The following SH2D4B variants were observed in gnomAD, a reference collection of about 807,000 sequenced individuals.
The protein encoded by SH2D4B is SH2 domain containing 4B.
SH2D4B carries 45 observed loss-of-function variants against 61.5 expected under a neutral mutation model. The observed-to-expected ratio is 0.73, with a 90% CI of 0.58 to 0.94. The LOEUF (loss-of-function observed/expected upper bound fraction) is 0.94. Ranked by LOEUF, SH2D4B falls within the 40% of genes least tolerant of loss-of-function variation. The probability of loss-of-function intolerance (pLI) is 0.00; values close to 1 mark genes in which losing one functional copy is unlikely to be tolerated. For missense variants in SH2D4B, 572 were observed against 574.2 expected (o/e 1.00, Z 0.04); for synonymous variants, 224 against 220.4 (o/e 1.02, Z -0.14).
At chr10:80,630,047 C>A (rs1420853830) in intron 6 of SH2D4B, among the ~76,000 whole-genome samples, 1 of 152,158 alleles carries the variant, frequency 6.6e-6, no homozygotes, top group African/African-American at 2.4e-5. Flanking sequence ...GGGGAGGGTG[C>A]TGGAGAAGGT....
Position 80,603,751 on chromosome 10 carries a change from C to A in SH2D4B, c.816C>A (p.His272Gln). ...SHEQEARLYH[H>Q]LPDPGLPQPL... The stretch of plus-strand genomic sequence containing the variant: ...AGCAGGAGGCAAGACTCTACCACCA[C>A]CTCCCCGACCCGGGTCTGCCGCAGC... The change falls in exon 5 of 8, where the codon CAC becomes CAA. Residue 272 changes from histidine to glutamine, a missense_variant. Coordinates refer to ENST00000646907, the MANE Select transcript of SH2D4B (RefSeq NM_001388272.1). 6.2e-7 allele frequency: 1 copy of A among 1,612,856 alleles called. No homozygotes were observed. Among genetic ancestry groups the A allele is most frequent in the South Asian group, 1.1e-5 (1 of 90,952 alleles).
intron 1 of SH2D4B, among the ~76,000 whole-genome samples, chr10:80,547,517 A>G (rs897443831): frequency 6.6e-6 from 1 of 151,768 alleles, no homozygotes; most frequent in African/African-American, 2.4e-5. Flanking sequence ...GTTGTTCACA[A>G]CCCCTTTCCT....
At chr10:80,636,398 G>A (rs1002870666) in intron 7 of SH2D4B, among the ~76,000 whole-genome samples, 1 of 152,174 alleles carries the variant, frequency 6.6e-6, no homozygotes, top group African/African-American at 2.4e-5. Flanking sequence ...GGTTGAACTA[G>A]TTTACAGTCC....
intron 7 of SH2D4B, among the ~76,000 whole-genome samples, 177 bp downstream of exon 7, chr10:80,634,682 G>T (rs749240527): frequency 1.3e-5 from 2 of 152,130 alleles, no homozygotes; most frequent in Non-Finnish European, 2.9e-5. Flanking sequence ...GGGGCCCGAG[G>T]GCCCACTGTT....
chr10:80,569,306 A>G (rs1018862366), intron 1 of SH2D4B, among the ~76,000 whole-genome samples: 1 of 152,160 alleles, frequency 6.6e-6, no homozygotes, highest in Non-Finnish European at 1.5e-5. Flanking sequence ...CCCGGGAGTG[A>G]CACAAGTTTC....
chr10:80,572,984 A>ATTTTTT (rs1283153702), intron 3 of SH2D4B, among the ~76,000 whole-genome samples: 7 of 8,290 alleles, frequency 8.4e-4, no homozygotes, highest in Non-Finnish European at 1.3e-3. Flanking sequence ...ATATATATAT[A>ATTTTTT]TATTTTTTTT....
rs1439154791 is a variant in SH2D4B, at chr10:80,568,083, A to G, written c.185-2071A>G. On this transcript the variant is annotated intron_variant, in intron 1 of 7. Transcript: ENST00000646907. Reference sequence around the variant, plus strand: ...AGCTTTTTCTAAAAATAAGTGTGAGAGATCACACTTTTTTTTTTTTTTGAG... The same window carrying G: ...AGCTTTTTCTAAAAATAAGTGTGAGGGATCACACTTTTTTTTTTTTTTGAG... Among the ~76,000 whole-genome samples, 3 of 151,710 alleles carry G rather than the reference A, an allele frequency of 2.0e-5. No individual in the cohort carries two copies. In the South Asian group the frequency reaches 6.3e-4, roughly 32 times the overall value.
At chr10:80,622,881 T>C (rs1398534287) in intron 6 of SH2D4B, among the ~76,000 whole-genome samples, 1 of 152,348 alleles carries the variant, frequency 6.6e-6, no homozygotes, top group Non-Finnish European at 1.5e-5. Flanking sequence ...TGAGCTGTTA[T>C]AGCAGAATAC....
At chr10:80,612,198 T>TTTTTTTTTTTTTTTTTTC (rs59848195) in intron 6 of SH2D4B, among the ~76,000 whole-genome samples, 3 of 125,230 alleles carry the variant, frequency 2.4e-5, no homozygotes, top group Non-Finnish European at 3.2e-5. Flanking sequence ...TTTTTTTTTT[T>TTTTTTTTTTTTTTTTTTC]CAACTTTACT....
intron 5 of SH2D4B, among the ~76,000 whole-genome samples, chr10:80,608,398 C>T (rs73309251): frequency 0.016 from 2,385 of 152,222 alleles, 54 homozygotes; most frequent in African/African-American, 0.054. Flanking sequence ...TGAGCCACCG[C>T]GCCCGGCCCA....
At chr10:80,579,259 A>G (rs1452639273) in intron 3 of SH2D4B, among the ~76,000 whole-genome samples, 3 of 144,046 alleles carry the variant, frequency 2.1e-5, no homozygotes, top group Non-Finnish European at 4.8e-5. Flanking sequence ...CTGAAAATGG[A>G]AAAAAAAATC....
At position 80,544,526 on chromosome 10, in the gene SH2D4B, C is replaced by T. The variant is rs557467774; in HGVS notation, c.184+6011C>T. On this transcript the variant is annotated intron_variant, in intron 1 of 7. Transcript: ENST00000646907. ...CCTTTTCACTAGGCATTTGGCTTCC[C>T]TGTTTCCTGGGCCCGTCCAGTAGCC... Among the ~76,000 whole-genome samples, 6 of 152,386 alleles carry T rather than the reference C, an allele frequency of 3.9e-5. No individual in the cohort carries two copies. The East Asian group carries it at 1.2e-3, about 29-fold the overall frequency.
chr10:80,554,992 A>T (rs1841811332), intron 1 of SH2D4B, among the ~76,000 whole-genome samples: 1 of 129,866 alleles, frequency 7.7e-6, no homozygotes, highest in Non-Finnish European at 1.6e-5. Context: ...CTGGGCGACA[A>T]GGCGAGTCTC....
intron 1 of SH2D4B, among the ~76,000 whole-genome samples, chr10:80,562,894 C>CTTTTTTTTTTTTTTTTTTTTT (rs34539206): frequency 1.3e-5 from 1 of 74,694 alleles, no homozygotes. Context: ...AACATTTTTT[C>CTTTTTTTTTTTTTTTTTTTTT]TTTTTTTTTT....
chr10:80,635,727 C>G (rs1237963922), intron 7 of SH2D4B, among the ~76,000 whole-genome samples: 1 of 152,146 alleles, frequency 6.6e-6, no homozygotes, highest in African/African-American at 2.4e-5. Context: ...GAACCTATTG[C>G]TCTACATCCA....
At chr10:80,566,789 G>A (rs1293920195) in intron 1 of SH2D4B, among the ~76,000 whole-genome samples, 2 of 152,066 alleles carry the variant, frequency 1.3e-5, no homozygotes, top group African/African-American at 2.4e-5. Context: ...TTGCTTAGCA[G>A]GATTGGTAAT....
intron 6 of SH2D4B, among the ~76,000 whole-genome samples, chr10:80,617,896 A>G (rs1004000532): frequency 6.6e-6 from 1 of 152,252 alleles, no homozygotes; most frequent in Non-Finnish European, 1.5e-5. Flanking sequence ...CCCCAGTATT[A>G]GTCCCAATAG....
Position 80,584,764 on chromosome 10 carries a change from A to G in SH2D4B, c.496-3866A>G, listed in dbSNP as rs145922989. 4.3e-4 allele frequency among the ~76,000 whole-genome samples: 66 copies of G among 152,378 alleles called. 1 individual carries two copies. The highest frequency in any genetic ancestry group is 4.2e-3 in the East Asian group (22 of 5,192). ...ATGAGGCAAATTTATTATGAGGCTG[A>G]GGAGAGAAAAAGTATGGTGTATGGA... On this transcript the variant is annotated intron_variant, in intron 3 of 7. Coordinates refer to ENST00000646907, the MANE Select transcript of SH2D4B (RefSeq NM_001388272.1).
intron 5 of SH2D4B, among the ~76,000 whole-genome samples, chr10:80,608,672 C>T (rs79449497): frequency 2.6e-5 from 4 of 151,846 alleles, no homozygotes; most frequent in Admixed American, 6.6e-5. Context: ...AAACTCTTCC[C>T]GTGCTCCTCC....
Sources: allele counts gnomAD v4.1 joint callset (sites outside exome capture counted in the v4.1 genomes callset), GRCh38; gene constraint gnomAD v4.1.1; transcripts MANE v1.5; gene names NCBI Gene and HGNC (gene_info 2026-07-23, HGNC 2026-07-21).